Variants in RNF17 observed in about 807,000 individuals in gnomAD.
The protein encoded by RNF17 is ring finger protein 17.
In RNF17, 31 loss-of-function variants were observed where a neutral mutation model predicts 200.5. That is an observed-to-expected ratio of 0.15 (90% CI 0.12 to 0.21). The LOEUF is 0.21. Among genes scored for constraint, RNF17 ranks in the 10% least tolerant of loss-of-function variants. The pLI is 1.00. For missense variants in RNF17, 1,628 were observed against 1,905.1 expected (o/e 0.85, Z 2.71); for synonymous variants, 606 against 637.8 (o/e 0.95, Z 0.75).
downstream of RNF17, chr13:24,884,241 T>A (rs756024691): frequency 5.6e-6 from 9 of 1,614,004 alleles, no homozygotes; most frequent in Non-Finnish European, 7.6e-6. Context: ...TGCATAGTAG[T>A]AGATCTGTAA....
chr13:24,862,473 G>A (rs1593463308), intron 27 of RNF17, among the ~76,000 whole-genome samples: 1 of 152,204 alleles, frequency 6.6e-6, no homozygotes, highest in South Asian at 2.1e-4. Flanking sequence ...GTGTGTGTGT[G>A]TGTTTTCTCA....
chr13:24,827,547 A>G (rs1330205598), intron 16 of RNF17, among the ~76,000 whole-genome samples: 2 of 151,570 alleles, frequency 1.3e-5, no homozygotes, highest in African/African-American at 4.8e-5. Flanking sequence ...CTAAAAATAC[A>G]AAAAATTAGC....
chr13:24,764,891 GT>G (rs1566106108), intron 1 of RNF17, among the ~76,000 whole-genome samples: 1,405 of 64,730 alleles, frequency 0.022, 23 homozygotes, highest in African/African-American at 0.062. Context: ...CTTGTGGGGT[GT>G]GTGTGTGTGT....
downstream of RNF17, among the ~76,000 whole-genome samples, chr13:24,880,098 A>G (rs1033904463): frequency 6.6e-6 from 1 of 152,206 alleles, no homozygotes; most frequent in Non-Finnish European, 1.5e-5. Flanking sequence ...TTATACTGCT[A>G]TAAAGAACTG....
At chr13:24,838,785 C>T (rs1890289887) in intron 18 of RNF17, among the ~76,000 whole-genome samples, 2 of 152,026 alleles carry the variant, frequency 1.3e-5, no homozygotes, top group South Asian at 4.2e-4. Flanking sequence ...CACTCTTAAC[C>T]ACTCTTCTTC....
chr13:24,791,459 T>G (rs1468031352), intron 9 of RNF17, among the ~76,000 whole-genome samples: 1 of 152,146 alleles, frequency 6.6e-6, no homozygotes, highest in Admixed American at 6.6e-5. Flanking sequence ...AGGGGGAAGA[T>G]AGTATGTTGA....
chr13:24,820,540 ATTC>A (rs1460255140), intron 15 of RNF17, among the ~76,000 whole-genome samples: 4 of 152,062 alleles, frequency 2.6e-5, no homozygotes, highest in Non-Finnish European at 5.9e-5. Flanking sequence ...GGTTCAAGCA[ATTC>A]TTCTGCGTCA....
intron 2 of RNF17, 108 bp downstream of exon 2, chr13:24,767,474 G>C (rs1879873474): frequency 1.4e-6 from 1 of 739,680 alleles, no homozygotes; most frequent in Admixed American, 2.4e-5. Context: ...AGTTGGCCGG[G>C]CGTGGTGGCT....
intron 18 of RNF17, 62 bp downstream of exon 18, chr13:24,832,040 A>G: frequency 2.6e-6 from 3 of 1,174,860 alleles, no homozygotes; most frequent in South Asian, 1.6e-5. Context: ...TATGAATAAC[A>G]TTTGTCAAAT....
chr13:24,824,850 A>G (rs1888452379), intron 15 of RNF17, among the ~76,000 whole-genome samples: 1 of 152,202 alleles, frequency 6.6e-6, no homozygotes, highest in African/African-American at 2.4e-5. Flanking sequence ...CGATAAATGA[A>G]TCTTAGCATA....
intron 26 of RNF17, among the ~76,000 whole-genome samples, chr13:24,859,658 A>G (rs924519368): frequency 1.3e-5 from 2 of 152,016 alleles, no homozygotes; most frequent in Non-Finnish European, 1.5e-5. Context: ...CATTGTATTT[A>G]CTAAGTAAAG....
chr13:24,770,180 G>A (rs953330203), intron 2 of RNF17, among the ~76,000 whole-genome samples: 4 of 152,050 alleles, frequency 2.6e-5, no homozygotes, highest in Non-Finnish European at 5.9e-5. Flanking sequence ...ACAGATAATT[G>A]TATAATCTTG....
At chr13:24,792,542 A>T (rs915579708) in intron 9 of RNF17, among the ~76,000 whole-genome samples, 3 of 152,200 alleles carry the variant, frequency 2.0e-5, no homozygotes, top group African/African-American at 7.2e-5. Context: ...TCTAATAAGA[A>T]TTGTTATGAA....
intron 15 of RNF17, among the ~76,000 whole-genome samples, chr13:24,813,502 T>C (rs1593320089): frequency 1.3e-5 from 2 of 152,332 alleles, no homozygotes; most frequent in South Asian, 4.1e-4. Context: ...TGTTGGATTG[T>C]AGGAGTTTTC....
chr13:24,813,170 T>C (rs28603010), intron 15 of RNF17, among the ~76,000 whole-genome samples: 2 of 151,040 alleles, frequency 1.3e-5, no homozygotes, highest in African/African-American at 4.9e-5. Context: ...TTGTTTTTTA[T>C]TTTTTAAACA....
chr13:24,748,338 T>C, the RNF17 span, among the ~76,000 whole-genome samples: 3 of 152,226 alleles, frequency 2.0e-5, no homozygotes, highest in Non-Finnish European at 2.9e-5. Context: ...CTGGGGCACA[T>C]GCGGCTCATA....
intron 15 of RNF17, among the ~76,000 whole-genome samples, chr13:24,807,436 A>G (rs1289249094): frequency 1.3e-5 from 2 of 152,196 alleles, no homozygotes; most frequent in African/African-American, 4.8e-5. Flanking sequence ...TTTTGGCTGC[A>G]TAAATGTCTT....
intron 11 of RNF17, among the ~76,000 whole-genome samples, chr13:24,798,788 C>A (rs1205618238): frequency 6.6e-6 from 1 of 151,754 alleles, no homozygotes; most frequent in Admixed American, 6.6e-5. Context: ...CTTCTTTTTT[C>A]CTGGTTGTTA....
chr13:24,827,370 C>T (rs1888794915), intron 16 of RNF17, among the ~76,000 whole-genome samples: 2 of 152,086 alleles, frequency 1.3e-5, no homozygotes, highest in African/African-American at 4.8e-5. Flanking sequence ...AGTTTTCTAT[C>T]CTTCATTTGT....
Sources: gnomAD v4.1 joint callset for allele counts (sites outside exome capture counted in the v4.1 genomes callset) on GRCh38, gnomAD v4.1.1 for gene constraint, MANE v1.5 for transcripts, NCBI Gene and HGNC (gene_info 2026-07-23, HGNC 2026-07-21) for gene names.